AIRE: variants seen among roughly 807,000 people sequenced by gnomAD.
The protein encoded by AIRE is autoimmune polyendocrinopathy candidiasis ectodermal dystrophy protein.
In AIRE, 52 loss-of-function variants were observed where a neutral mutation model predicts 62.1. The ratio of observed to expected loss-of-function variants is 0.84; its 90% CI spans 0.67 to 1.06. The LOEUF (loss-of-function observed/expected upper bound fraction) is 1.06, where lower values mean the gene tolerates loss of function less well. AIRE is among the 50% of genes least tolerant of loss of function. The pLI is 0.00. For synonymous variants in AIRE, 342 were observed against 321.6 expected (o/e 1.06, Z -0.68); for missense variants, 774 against 755.8 (o/e 1.02, Z -0.28).
intron 12 of AIRE, among the ~76,000 whole-genome samples, chr21:44,295,837 G>A (rs992639874): frequency 1.3e-5 from 2 of 149,590 alleles, no homozygotes; most frequent in Non-Finnish European, 1.5e-5. Flanking sequence ...CAGCCATGCA[G>A]GGCTGCCGGG....
In AIRE at chr21:44,297,803, G is replaced by C. The variant is rs772298343; in HGVS notation, c.*76G>C. ...ACCTCCTTCCTCAGTCCTGGAAGCC[G>C]GCCGGCTGGGATCAAGAAGGGGACA... On this transcript the variant is annotated 3_prime_UTR_variant, in exon 14 of 14. Coordinates refer to ENST00000291582, the MANE Select transcript of AIRE (RefSeq NM_000383.4). The surrounding 1 kb of genome is among the most constrained non-coding windows in gnomAD (Gnocchi z 4.8). 7.0e-7 allele frequency: 1 copy of C among 1,431,004 alleles called. No individual in the cohort carries two copies. Among genetic ancestry groups the C allele is most frequent in the Non-Finnish European group, 9.7e-7 (1 of 1,030,500 alleles). The allele number at this position is 1,431,004 out of a possible 1,614,324, so 88.6% of individuals were successfully genotyped here. A position where few individuals can be genotyped will look rare whatever the true frequency, so the allele number is the denominator to read the frequency against.
chr21:44,293,671 G>A (rs921172627), intron 10 of AIRE, 118 bp from the exon 11 acceptor site: 16 of 1,495,558 alleles, frequency 1.1e-5, no homozygotes, highest in Middle Eastern at 2.4e-4. Flanking sequence ...CCTCACTTGC[G>A]CCTAGACCCG....
At position 44,286,958 on chromosome 21, in the gene AIRE, C is replaced by T. The variant is rs1319634638; in HGVS notation, c.308-20C>T. ...AGAAAACCCTGAGGTTGGGACCCTG[C>T]TCCTGCCCCTGAGCTGCAGATGTGG... On this transcript the variant is annotated intron_variant, in intron 2 of 13. Transcript: ENST00000291582. This position sits in a 1 kb window ranked among gnomAD's most constrained non-coding sequence, Gnocchi z 6.0. 2 of 1,612,792 alleles carry T rather than the reference C, an allele frequency of 1.2e-6. No homozygotes were observed. The highest frequency in any genetic ancestry group is 1.7e-6 in the Non-Finnish European group (2 of 1,179,992).
Position 44,290,016 on chromosome 21 carries a change from A to G in AIRE, c.827A>G (p.Gln276Arg), listed in dbSNP as rs780067507. ...GGAGGTGAGGCTAGGCTGGGCCAGC[A>G]GGGCAGCGTTCCCGCCCCTCTGGCC... ...PGGGEARLGQ[Q>R]GSVPAPLALP... The change falls in exon 7 of 14, where the codon CAG becomes CGG. Residue 276 changes from glutamine to arginine, a missense_variant. Gln to Arg is a conservative substitution (Grantham distance 43, BLOSUM62 1). Coordinates refer to ENST00000291582, the MANE Select transcript of AIRE (RefSeq NM_000383.4). 5.6e-6 allele frequency: 9 copies of G among 1,610,874 alleles called. No individual in the cohort carries two copies. The highest frequency in any genetic ancestry group is 7.6e-6 in the Non-Finnish European group (9 of 1,179,470).
In AIRE at chr21:44,286,553, G is replaced by T. The variant is rs1157077526; in HGVS notation, c.133-4G>T. ...GCAGGGACCCTCATGCCACCCCACT[G>T]CAGGAGACGCTTCATCTGAAGGAAA... is the stretch of plus-strand genomic sequence containing the variant. On this transcript the variant is annotated splice_region_variant and splice_polypyrimidine_tract_variant and intron_variant, in intron 1 of 13. Coordinates refer to ENST00000291582, the MANE Select transcript of AIRE (RefSeq NM_000383.4). The surrounding 1 kb of genome is among the most constrained non-coding windows in gnomAD (Gnocchi z 6.0). 1 of 1,608,036 alleles carries T rather than the reference G, an allele frequency of 6.2e-7. No individual in the cohort carries two copies. Among genetic ancestry groups the T allele is most frequent in the Non-Finnish European group, 8.5e-7 (1 of 1,176,478 alleles).
chr21:44,292,841 C>A, intron 9 of AIRE, 152 bp from the exon 10 acceptor site: 1 of 670,888 alleles, frequency 1.5e-6, no homozygotes, highest in East Asian at 2.7e-5. Context: ...TCAGTGTGGA[C>A]GCCTTCCACC....
chr21:44,288,342 C>T lies in AIRE; in HGVS notation c.539-3C>T. On this transcript the variant is annotated splice_polypyrimidine_tract_variant and splice_region_variant and intron_variant, in intron 4 of 13. Coordinates refer to ENST00000291582, the MANE Select transcript of AIRE (RefSeq NM_000383.4). Reference sequence around the variant, plus strand: ...TGACCCCAATGGGTGTTCCCTTTCCCAGGGATTCAGACCATGTCAGCTTCA... The same window carrying T: ...TGACCCCAATGGGTGTTCCCTTTCCTAGGGATTCAGACCATGTCAGCTTCA... 4 of 1,598,806 alleles carry T rather than the reference C, an allele frequency of 2.5e-6. No individual in the cohort carries two copies. Among genetic ancestry groups the T allele is most frequent in the Non-Finnish European group, 3.4e-6 (4 of 1,167,114 alleles).
Position 44,288,353 on chromosome 21 carries a change from A to G in AIRE, c.547A>G (p.Thr183Ala). ...QRLPLGNGIQ[T>A]MSASVQRAVA... ...GGTGTTCCCTTTCCCAGGGATTCAG[A>G]CCATGTCAGCTTCAGTCCAGAGAGC... Residue 183 changes from threonine (T) to alanine (A), a missense_variant, in exon 5 of 14, where the codon ACC becomes GCC. By Grantham distance (58) the Thr-to-Ala change is moderately conservative. Transcript: ENST00000291582. The G allele has an allele frequency of 6.2e-7, 1 of 1,609,030 alleles. No individual in the cohort carries two copies.
chr21:44,286,199 G>C lies in AIRE; in HGVS notation c.132+61G>C. On this transcript the variant is annotated intron_variant, in intron 1 of 13. Transcript: ENST00000291582. The surrounding 1 kb of genome is among the most constrained non-coding windows in gnomAD (Gnocchi z 6.0). ...CCTGTGAGCCAGGGATAGTCCCCGG[G>C]GAAGTTCCAGGAGGACCCCGCCCCT... The C allele has an allele frequency of 6.6e-7, 1 of 1,504,114 alleles. No individual in the cohort carries two copies. Among genetic ancestry groups the C allele is most frequent in the Non-Finnish European group, 9.0e-7 (1 of 1,116,614 alleles). 93.2% of individuals were successfully genotyped at this position (1,504,114 alleles called of 1,614,324 possible).
intron 11 of AIRE, 98 bp from the exon 12 acceptor site, chr21:44,294,303 C>T: frequency 3.1e-6 from 2 of 651,792 alleles, no homozygotes; most frequent in Non-Finnish European, 5.1e-6. Flanking sequence ...CACCCCCATC[C>T]CCCACTCACC....
intron 5 of AIRE, chr21:44,289,173 G>A (rs1044732412): frequency 4.6e-5 from 8 of 174,078 alleles, no homozygotes; most frequent in Admixed American, 2.8e-4. Flanking sequence ...GAGGTGTCTC[G>A]GGGCCACACT....
Position 44,294,331 on chromosome 21 carries a change from A to C in AIRE, c.1401-70A>C, listed in dbSNP as rs1335464167. ...CACTCACCACCCACGCCCACACCCC[A>C]CACCCCATACCCCGGAGGTGGCACT... On this transcript the variant is annotated intron_variant, in intron 11 of 13. Coordinates refer to ENST00000291582, the MANE Select transcript of AIRE (RefSeq NM_000383.4). The C allele has an allele frequency of 8.1e-6, 5 of 620,366 alleles. No individual in the cohort carries two copies. In the Admixed American group the frequency reaches 1.3e-4, roughly 16 times the overall value. The allele number at this position is 620,366 out of a possible 1,614,324, so 38.4% of individuals were successfully genotyped here. A position where few individuals can be genotyped will look rare whatever the true frequency, so the allele number is the denominator to read the frequency against.
rs779666802 is a variant in AIRE, at chr21:44,286,166, C to T, written c.132+28C>T. 29 of 1,542,774 alleles carry T rather than the reference C, an allele frequency of 1.9e-5. 1 individual carries two copies. In the South Asian group the frequency reaches 3.3e-4, roughly 18 times the overall value. On this transcript the variant is annotated intron_variant, in intron 1 of 13. Transcript: ENST00000291582. This position sits in a 1 kb window ranked among gnomAD's most constrained non-coding sequence, Gnocchi z 6.0. ...GGGCTCCCCGCCCGCCCCCCGCTGC[C>T]CCCAGGCCCTGTGAGCCAGGGATAG...
At position 44,287,590 on chromosome 21, in the gene AIRE, C is replaced by A; in HGVS notation, c.537C>A (p.Asn179Lys). 2 of 1,554,386 alleles carry A rather than the reference C, an allele frequency of 1.3e-6. No individual in the cohort carries two copies. The highest frequency in any genetic ancestry group is 1.7e-6 in the Non-Finnish European group (2 of 1,148,898). The change falls in exon 4 of 14, where the codon AAC (asparagine) becomes AAA (lysine). Residue 179 changes from asparagine (N) to lysine (K), a missense_variant and splice_region_variant. This residue lies in a region of AIRE where 385 missense variants were observed against 396.0 expected (regional missense o/e 0.97). Coordinates refer to ENST00000291582, the MANE Select transcript of AIRE (RefSeq NM_000383.4). This position sits in a 1 kb window ranked among gnomAD's most constrained non-coding sequence, Gnocchi z 4.3. ...SAEQQRLPLG[N>K]GIQTMSASVQ... ...AGCAGCAGCGCCTTCCACTCGGGAA[C>A]GGTGAGCGGGGCCCAGTGGGAGCGC...
chr21:44,297,677 C>G lies in AIRE; in HGVS notation c.1588C>G (p.Gln530Glu), dbSNP rs1472708073. ...GCAGCACACCTTCGATGGCATCCTGCAGTGGGCCATCCAGAGCATGGCCCG... is the reference window on the plus strand; with the variant it reads ...GCAGCACACCTTCGATGGCATCCTGGAGTGGGCCATCCAGAGCATGGCCCG... ...LSEHTFDGIL[Q>E]WAIQSMARPA... Residue 530 changes from glutamine (Q) to glutamate (E), a missense_variant, in exon 14 of 14, where the codon CAG becomes GAG. By Grantham distance (29) the Gln-to-Glu change is conservative. Transcript: ENST00000291582. The surrounding 1 kb of genome is among the most constrained non-coding windows in gnomAD (Gnocchi z 4.8). 6 of 1,612,332 alleles carry G rather than the reference C, an allele frequency of 3.7e-6. No individual in the cohort carries two copies. Among genetic ancestry groups the G allele is most frequent in the Non-Finnish European group, 4.2e-6 (5 of 1,179,874 alleles).
intron 11 of AIRE, 137 bp downstream of exon 11, chr21:44,294,047 C>A: frequency 8.4e-7 from 1 of 1,190,342 alleles, no homozygotes; most frequent in Non-Finnish European, 1.2e-6. Flanking sequence ...CCTTGCACCC[C>A]ACCCCACACC....
At chr21:44,289,398 A>C in intron 5 of AIRE, 1 of 545,336 alleles carries the variant, frequency 1.8e-6, no homozygotes, top group Non-Finnish European at 3.3e-6. Flanking sequence ...AATCACATCT[A>C]CAAAGACCCT....
chr21:44,293,311 G>C, intron 10 of AIRE, 136 bp downstream of exon 10: 1 of 817,520 alleles, frequency 1.2e-6, no homozygotes, highest in Non-Finnish European at 1.9e-6. Context: ...GGGGCTGTGG[G>C]GGGAGCGTGG....
rs747793451 is a variant in AIRE at position 44,290,766 on chromosome 21, C to A, written c.880-329C>A. On this transcript the variant is annotated intron_variant, in intron 7 of 13. Coordinates refer to ENST00000291582, the MANE Select transcript of AIRE (RefSeq NM_000383.4). ...CAGCAGGCGCTGAGGTCGGGAGAGA[C>A]CTCCCTGGGCCTGGCCCCACTGCCC... The A allele has an allele frequency of 9.6e-6, 14 of 1,462,698 alleles. 1 individual carries two copies. Among genetic ancestry groups the A allele is most frequent in the Non-Finnish European group, 1.3e-5 (14 of 1,085,032 alleles). The allele number at this position is 1,462,698 out of a possible 1,614,324, so 90.6% of individuals were successfully genotyped here. A position where few individuals can be genotyped will look rare whatever the true frequency, so the allele number is the denominator to read the frequency against.
Sources: gnomAD v4.1 joint callset for allele counts (sites outside exome capture counted in the v4.1 genomes callset) on GRCh38, gnomAD v4.1.1 for gene constraint, gnomAD v4.1.1 regional missense constraint, Gnocchi (gnomAD v3.1) non-coding constraint, MANE v1.5 for transcripts, NCBI Gene and HGNC (gene_info 2026-07-23, HGNC 2026-07-21) for gene names.